CCDC148: variants seen among roughly 807,000 people sequenced by gnomAD.
The protein encoded by CCDC148 is coiled-coil domain-containing protein 148.
A neutral mutation model predicts 85.7 loss-of-function variants in CCDC148; 89 were observed. The ratio of observed to expected loss-of-function variants is 1.04; its 90% CI spans 0.87 to 1.24. The LOEUF is 1.24. Ranked by LOEUF, CCDC148 falls within the 50% of genes most tolerant of loss-of-function variation. CCDC148 has a pLI of 0.00. For missense variants in CCDC148, 692 were observed against 671.7 expected (o/e 1.03, Z -0.33); for synonymous variants, 230 against 213.9 (o/e 1.08, Z -0.66).
intron 1 of CCDC148, among the ~76,000 whole-genome samples, chr2:158,420,818 A>G (rs1686741808): frequency 6.6e-6 from 1 of 152,168 alleles, no homozygotes; most frequent in African/African-American, 2.4e-5. Context: ...AAGACCCATC[A>G]GTGTGCTGTA....
At chr2:158,274,968 A>C (rs1689861730) in intron 9 of CCDC148, among the ~76,000 whole-genome samples, 2 of 152,266 alleles carry the variant, frequency 1.3e-5, no homozygotes, top group African/African-American at 4.8e-5. Context: ...AGTCACACGG[A>C]TTTATATGAA....
intron 1 of CCDC148, among the ~76,000 whole-genome samples, chr2:158,433,229 T>C (rs993939232): frequency 2.8e-5 from 4 of 143,804 alleles, no homozygotes; most frequent in African/African-American, 7.5e-5. Context: ...CACTGTACTA[T>C]AGCCGGGGCA....
rs139192865 is a variant in CCDC148 at position 158,275,820 on chromosome 2, G to A, written c.1111-24908C>T. Among the ~76,000 whole-genome samples the A allele has an allele frequency of 4.3e-4, 66 of 151,960 alleles. 1 individual carries two copies. The East Asian group carries it at 0.011, about 25-fold the overall frequency. On this transcript the variant is annotated intron_variant, in intron 9 of 13. Coordinates refer to ENST00000283233, the MANE Select transcript of CCDC148 (RefSeq NM_138803.4). The stretch of plus-strand genomic sequence containing the variant: ...ATGACTCTGAAAAAGTATATCCTAT[G>A]ATGAGGGTTTCTCTTACAATGGAAG...
intron 1 of CCDC148, among the ~76,000 whole-genome samples, chr2:158,393,886 T>C (rs987468383): frequency 2.4e-4 from 36 of 152,172 alleles, no homozygotes; most frequent in African/African-American, 7.7e-4. Context: ...CCTTTCCTTA[T>C]ACCAGATATC....
intron 11 of CCDC148, among the ~76,000 whole-genome samples, chr2:158,189,854 C>A (rs1233409571): frequency 6.6e-6 from 1 of 151,668 alleles, no homozygotes; most frequent in Non-Finnish European, 1.5e-5. Flanking sequence ...CCTGTGTATC[C>A]CCAAGAACTA....
intron 10 of CCDC148, among the ~76,000 whole-genome samples, chr2:158,243,459 G>A (rs1688436331): frequency 6.6e-6 from 1 of 152,118 alleles, no homozygotes; most frequent in African/African-American, 2.4e-5. Context: ...CAGGACCTCT[G>A]TGGATTTTTT....
chr2:158,210,769 G>A (rs1416327850), intron 11 of CCDC148, among the ~76,000 whole-genome samples: 5 of 129,408 alleles, frequency 3.9e-5, no homozygotes, highest in South Asian at 2.5e-4. Flanking sequence ...TGCTGAAACC[G>A]TGTCTCTACT....
chr2:158,445,601 G>A (rs940093446), intron 1 of CCDC148, among the ~76,000 whole-genome samples: 14 of 152,024 alleles, frequency 9.2e-5, no homozygotes, highest in African/African-American at 3.1e-4. Context: ...AAACTAAAAC[G>A]ACAACAAAAT....
chr2:158,277,023 T>C (rs927125259), intron 9 of CCDC148, among the ~76,000 whole-genome samples: 2 of 152,138 alleles, frequency 1.3e-5, no homozygotes, highest in Non-Finnish European at 2.9e-5. Flanking sequence ...ATCACAGAAG[T>C]TTAGAGCTGG....
At chr2:158,270,774 T>C (rs1453644897) in intron 9 of CCDC148, among the ~76,000 whole-genome samples, 3 of 152,196 alleles carry the variant, frequency 2.0e-5, no homozygotes, top group Non-Finnish European at 2.9e-5. Flanking sequence ...TACATGTTGA[T>C]TATATCCACA....
At chr2:158,210,893 A>C (rs1187596476) in intron 11 of CCDC148, among the ~76,000 whole-genome samples, 1 of 146,688 alleles carries the variant, frequency 6.8e-6, no homozygotes, top group East Asian at 2.0e-4. Flanking sequence ...TGGGAGGCGG[A>C]GCTTGCAGTG....
intron 11 of CCDC148, among the ~76,000 whole-genome samples, chr2:158,214,726 G>A (rs538203785): frequency 1.1e-4 from 17 of 152,046 alleles, no homozygotes; most frequent in African/African-American, 1.9e-4. Flanking sequence ...AGAGCTTACT[G>A]AAGGAAACTT....
chr2:158,299,772 G>T (rs1362733089), intron 9 of CCDC148, among the ~76,000 whole-genome samples: 1 of 152,130 alleles, frequency 6.6e-6, no homozygotes, highest in East Asian at 1.9e-4. Context: ...ATCCAAGTCT[G>T]CTCTCCAACA....
intron 11 of CCDC148, among the ~76,000 whole-genome samples, chr2:158,212,115 A>ACATTTCT (rs1413365674): frequency 2.2e-4 from 33 of 152,332 alleles, no homozygotes; most frequent in African/African-American, 6.5e-4. Context: ...ATATACATAT[A>ACATTTCT]AAATACAAAA....
chr2:158,249,160 CT>C (rs1424574545), intron 10 of CCDC148, among the ~76,000 whole-genome samples: 1 of 152,126 alleles, frequency 6.6e-6, no homozygotes, highest in Non-Finnish European at 1.5e-5. Flanking sequence ...CTTTACCTGT[CT>C]TTGTAAACCC....
Position 158,340,613 on chromosome 2 carries a change from C to A in CCDC148, c.319G>T (p.Asp107Tyr). The change falls in exon 4 of 14, where the codon GAC becomes TAC. Residue 107 changes from aspartate to tyrosine, a missense_variant. Asp to Tyr is a radical substitution (Grantham distance 160, BLOSUM62 -3). Transcript: ENST00000283233. ...AAAATCTTACCAAAATTTGTAAGGT[C>A]ACAAAGACATTCATTTCCAATGTTC... ...EENIGNECLCDLTNFEQELSE... is the reference protein window; with the variant it reads ...EENIGNECLCYLTNFEQELSE... 1.3e-6 allele frequency: 2 copies of A among 1,587,050 alleles called. No individual in the cohort carries two copies. The highest frequency in any genetic ancestry group is 2.3e-5 in the South Asian group (2 of 86,670).
Position 158,176,029 on chromosome 2 carries a change from C to T in CCDC148, c.1629+492G>A, listed in dbSNP as rs188442814. 3.3e-5 allele frequency among the ~76,000 whole-genome samples: 5 copies of T among 152,062 alleles called. No individual in the cohort carries two copies. In the East Asian group the frequency reaches 5.8e-4, roughly 18 times the overall value. ...GGTTCCTAGAAATGGTTAAATAAGC[C>T]CTTAACACCTTTTTCCGTAAAAAAT... On this transcript the variant is annotated intron_variant, in intron 13 of 13. Coordinates refer to ENST00000283233, the MANE Select transcript of CCDC148 (RefSeq NM_138803.4).
In CCDC148 at chr2:158,322,289, A is replaced by G. The variant is rs560607046; in HGVS notation, c.765-8395T>C. Among the ~76,000 whole-genome samples the G allele has an allele frequency of 4.6e-5, 7 of 152,282 alleles. No individual in the cohort carries two copies. The South Asian group carries it at 1.2e-3, about 27-fold the overall frequency. Reference sequence around the variant, plus strand: ...AGGAAATTGGTTAAATGTATGTGATACAGTCATACATTGTAATACTATCCA... The same window carrying G: ...AGGAAATTGGTTAAATGTATGTGATGCAGTCATACATTGTAATACTATCCA... On this transcript the variant is annotated intron_variant, in intron 7 of 13. Transcript: ENST00000283233.
chr2:158,430,025 G>C (rs1283455142), intron 1 of CCDC148, among the ~76,000 whole-genome samples: 1 of 152,198 alleles, frequency 6.6e-6, no homozygotes, highest in Non-Finnish European at 1.5e-5. Flanking sequence ...TCATAAATCT[G>C]CATGTGGCTC....
Sources: allele counts gnomAD v4.1 joint callset (sites outside exome capture counted in the v4.1 genomes callset), GRCh38; gene constraint gnomAD v4.1.1; transcripts MANE v1.5; gene names NCBI Gene and HGNC (gene_info 2026-07-23, HGNC 2026-07-21).